The following USP45 variants were observed in gnomAD, a reference collection of about 807,000 sequenced individuals.
USP45 encodes the protein ubiquitin specific peptidase 45.
A neutral mutation model predicts 95.8 loss-of-function variants in USP45; 89 were observed. The ratio of observed to expected loss-of-function variants is 0.93; its 90% confidence interval spans 0.78 to 1.11. The LOEUF is 1.11. Among genes scored for constraint, USP45 ranks in the 50% least tolerant of loss-of-function variants. USP45 has a pLI of 0.00. For missense variants in USP45, 898 were observed against 942.5 expected, an observed-to-expected ratio of 0.95 and a Z score of 0.62; for synonymous variants, 281 against 316.2, an observed-to-expected ratio of 0.89 and a Z score of 1.18.
Position 99,508,674 on chromosome 6 carries a change from C to T in USP45, c.209G>A (p.Arg70Lys), listed in dbSNP as rs1166942847. The part of the protein sequence containing the change: ...SVCSECLKER[R>K]FYDGQLVLTS... ...AAGTACTAGCTGCCCATCATAGAATCTTCTTTCTTTTAAACATTCTGAGCA... is the reference window on the plus strand; with the variant it reads ...AAGTACTAGCTGCCCATCATAGAATTTTCTTTCTTTTAAACATTCTGAGCA... The change falls in exon 3 of 18, where the codon AGA becomes AAA. Residue 70 changes from arginine to lysine, a missense_variant. Transcript: ENST00000500704. 3 of 1,613,720 alleles carry T rather than the reference C, an allele frequency of 1.9e-6. No individual in the cohort carries two copies. The highest frequency in any genetic ancestry group is 2.5e-6 in the Non-Finnish European group (3 of 1,179,942).
intron 9 of USP45, among the ~76,000 whole-genome samples, chr6:99,475,859 TCACCCAGG>T (rs1790696959): frequency 2.0e-5 from 3 of 152,166 alleles, no homozygotes; most frequent in African/African-American, 7.2e-5. Context: ...TCTCACTCTG[TCACCCAGG>T]CTGGAGTAGT....
In USP45 at chr6:99,511,427, A is replaced by G. The variant is rs982310807; in HGVS notation, c.-10-1197T>C. Among the ~76,000 whole-genome samples the G allele has an allele frequency of 5.9e-5, 9 of 152,022 alleles. No homozygotes were observed. The East Asian group carries it at 1.5e-3, about 26-fold the overall frequency. ...CTCAGTCTCCCAAAGTGCTGGGATT[A>G]CAGGCGTGAGCCACCGTGCCCGGCT... On this transcript the variant is annotated intron_variant, in intron 1 of 17. Coordinates refer to ENST00000500704, the MANE Select transcript of USP45 (RefSeq NM_001346022.3).
In USP45 at chr6:99,445,835, T is replaced by G. The variant is rs373018725; in HGVS notation, c.1937A>C (p.Lys646Thr). Residue 646 changes from lysine to threonine, a missense_variant, in exon 14 of 18, where the codon AAA (lysine) becomes ACA (threonine). Physicochemically the swap from Lys to Thr is moderately conservative, Grantham distance 78. Transcript: ENST00000500704. ...NNKLLCENCT[K>T]NKQKYQEETS... ...TTCTTCTTGGTACTTCTGTTTGTTT[T>G]TAGTACAATTCTCACATAGAAGCTT... is the stretch of plus-strand genomic sequence containing the variant. The G allele has an allele frequency of 1.9e-6, 3 of 1,590,328 alleles. No homozygotes were observed. The highest frequency in any genetic ancestry group is 2.7e-5 in the African/African-American group (2 of 73,478).
rs534717329 is a variant in USP45, at chr6:99,474,318, C to T, written c.933+1825G>A. ...GTTCAAGCAATTCTCATGCCTCAGC[C>T]ACCCAAGAAGCTGGGATTACAGGTG... On this transcript the variant is annotated intron_variant, in intron 9 of 17. Coordinates refer to ENST00000500704, the MANE Select transcript of USP45 (RefSeq NM_001346022.3). Among the ~76,000 whole-genome samples the T allele has an allele frequency of 2.0e-5, 3 of 152,294 alleles. No homozygotes were observed. In the South Asian group the frequency reaches 6.2e-4, roughly 32 times the overall value.
chr6:99,448,733 C>A (rs960536570), intron 13 of USP45, among the ~76,000 whole-genome samples: 12 of 152,074 alleles, frequency 7.9e-5, no homozygotes, highest in Non-Finnish European at 1.2e-4. Context: ...GTCAGATTCA[C>A]CAAAGTTGAA....
intron 5 of USP45, among the ~76,000 whole-genome samples, chr6:99,497,813 A>G (rs981030046): frequency 6.6e-6 from 1 of 152,096 alleles, no homozygotes; most frequent in African/African-American, 2.4e-5. Context: ...CATCTTCTAC[A>G]CCACAAAACT....
At chr6:99,514,174 T>C (rs577472821) in intron 1 of USP45, among the ~76,000 whole-genome samples, 1 of 152,266 alleles carries the variant, frequency 6.6e-6, no homozygotes, top group South Asian at 2.1e-4. Context: ...GCAGTATGGA[T>C]ATAAAGGCTC....
chr6:99,447,930 A>G (rs1782906169), intron 13 of USP45, among the ~76,000 whole-genome samples: 1 of 152,200 alleles, frequency 6.6e-6, no homozygotes, highest in South Asian at 2.1e-4. Context: ...TATCCAGGCA[A>G]ACAGGGCCTG....
At position 99,507,441 on chromosome 6, in the gene USP45, T is replaced by C. The variant is rs1329417063; in HGVS notation, c.364A>G (p.Thr122Ala). 3.1e-6 allele frequency: 5 copies of C among 1,602,728 alleles called. No homozygotes were observed. The highest frequency in any genetic ancestry group is 4.3e-6 in the Non-Finnish European group (5 of 1,172,974). The change falls in exon 4 of 18, where the codon ACA becomes GCA. Residue 122 changes from threonine (T) to alanine (A), a missense_variant. By Grantham distance (58) the Thr-to-Ala change is moderately conservative. Transcript: ENST00000500704. ...EPHCIIINLS[T>A]WIIWCYECDE... Reference sequence around the variant, plus strand: ...AATTTAACTTACCATATAATCCATGTGCTCAGATTAATTATAATACAATGG... The same window carrying C: ...AATTTAACTTACCATATAATCCATGCGCTCAGATTAATTATAATACAATGG...
intron 11 of USP45, among the ~76,000 whole-genome samples, chr6:99,466,287 T>C (rs555353606): frequency 6.6e-6 from 1 of 152,308 alleles, no homozygotes; most frequent in South Asian, 2.1e-4. Flanking sequence ...CCCAAAGTAC[T>C]GGGATTATAG....
chr6:99,505,851 G>A (rs990280215), intron 4 of USP45, among the ~76,000 whole-genome samples: 7 of 152,102 alleles, frequency 4.6e-5, no homozygotes, highest in African/African-American at 1.7e-4. Context: ...CTGGGATCCT[G>A]CAATCTGTCA....
rs562755017 is a variant in USP45 at position 99,478,447 on chromosome 6, T to C, written c.846-2217A>G. On this transcript the variant is annotated intron_variant, in intron 8 of 17. Transcript: ENST00000500704. ...CAGGAAATGTACTTTAGTAAAAGTA[T>C]TGCCATGAGAAAGAGGAGAGGACTT... Among the ~76,000 whole-genome samples the C allele has an allele frequency of 2.6e-5, 4 of 152,190 alleles. No individual in the cohort carries two copies. In the East Asian group the frequency reaches 7.7e-4, roughly 29 times the overall value.
At chr6:99,453,033 G>A (rs571890798) in intron 13 of USP45, among the ~76,000 whole-genome samples, 3 of 152,098 alleles carry the variant, frequency 2.0e-5, no homozygotes, top group Admixed American at 6.5e-5. Context: ...GTTGTGGGGT[G>A]GCGGGAGCAG....
chr6:99,443,623 T>C lies in USP45; in HGVS notation c.2015A>G (p.Gln672Arg), dbSNP rs1357256594. 6.2e-7 allele frequency: 1 copy of C among 1,608,974 alleles called. No individual in the cohort carries two copies. The highest frequency in any genetic ancestry group is 8.5e-7 in the Non-Finnish European group (1 of 1,177,218). Residue 672 changes from glutamine (Q) to arginine (R), a missense_variant, in exon 15 of 18, where the codon CAA becomes CGA. By Grantham distance (43) the Gln-to-Arg change is conservative (BLOSUM62 1). Transcript: ENST00000500704. ...AGCTGGAACAGCAGAAATGAGCAATTGCTTCCTGGCATTAGTATAAACTCC... is the reference window on the plus strand; with the variant it reads ...AGCTGGAACAGCAGAAATGAGCAATCGCTTCCTGGCATTAGTATAAACTCC... ...VEGVYTNARK[Q>R]LLISAVPAVL...
chr6:99,465,334 G>C (rs1365646422), intron 11 of USP45, among the ~76,000 whole-genome samples, 198 bp from the exon 12 acceptor site: 5 of 112,016 alleles, frequency 4.5e-5, no homozygotes, highest in African/African-American at 1.0e-4. Flanking sequence ...TCAGTGAATG[G>C]TGATCCAATT....
chr6:99,490,779 A>G (rs1794999584), intron 5 of USP45, among the ~76,000 whole-genome samples: 2 of 152,046 alleles, frequency 1.3e-5, no homozygotes, highest in African/African-American at 4.8e-5. Context: ...TTCTGTAAAC[A>G]ACATTAAAGG....
intron 4 of USP45, among the ~76,000 whole-genome samples, chr6:99,505,640 C>CAAAAAA (rs11303051): frequency 1.2e-5 from 1 of 85,344 alleles, no homozygotes. Context: ...GATTCCATCT[C>CAAAAAA]AAAAAAAAAA....
In USP45 at chr6:99,508,779, C is replaced by T. The variant is rs750858129; in HGVS notation, c.104G>A (p.Gly35Asp). Residue 35 changes from glycine (G) to aspartate (D), a missense_variant, in exon 3 of 18, where the codon GGT (glycine) becomes GAT (aspartate). Physicochemically the swap from Gly to Asp is moderately conservative, Grantham distance 94. Transcript: ENST00000500704. ...DEDSSDDIAV[G>D]LTCQHVSHAI... The stretch of plus-strand genomic sequence containing the variant: ...ATGACTTACATGTTGGCAAGTTAAA[C>T]CTACTGAATAAGATAAAACAAAATC... The T allele has an allele frequency of 9.9e-6, 16 of 1,608,840 alleles. No homozygotes were observed. The highest frequency in any genetic ancestry group is 1.2e-5 in the Non-Finnish European group (14 of 1,178,382).
rs777066884 is a variant in USP45, at chr6:99,503,827, T to C, written c.416A>G (p.Asn139Ser). 2 of 1,598,868 alleles carry C rather than the reference T, an allele frequency of 1.3e-6. No individual in the cohort carries two copies. The highest frequency in any genetic ancestry group is 1.7e-6 in the Non-Finnish European group (2 of 1,173,432). Residue 139 changes from asparagine to serine, a missense_variant, in exon 5 of 18, where the codon AAT becomes AGT. Transcript: ENST00000500704. ...AACTATCTGAGCCAAAACCTTCTTA[T>C]TACAATGCGTTGATAATTTTTCATC... ...ECDEKLSTHC[N>S]KKVLAQIVDF...
Sources: gnomAD v4.1 joint callset for allele counts (sites outside exome capture counted in the v4.1 genomes callset) on GRCh38, gnomAD v4.1.1 for gene constraint, MANE v1.5 for transcripts, NCBI Gene and HGNC (gene_info 2026-07-23, HGNC 2026-07-21) for gene names.